The following KHDRBS2 variants were observed in gnomAD, a reference collection of about 807,000 sequenced individuals.
KHDRBS2 encodes KH domain-containing, RNA-binding, signal transduction-associated protein 2.
KHDRBS2 carries 26 observed loss-of-function variants against 44.3 expected under a neutral mutation model. The observed-to-expected ratio is 0.59, with a 90% CI of 0.43 to 0.81. The LOEUF (loss-of-function observed/expected upper bound fraction) is 0.81. Among genes scored for constraint, KHDRBS2 ranks in the 40% least tolerant of loss-of-function variants. The pLI is 0.00. For synonymous variants in KHDRBS2, 194 were observed against 151.1 expected, an observed-to-expected ratio of 1.28 and a Z score of -2.08; for missense variants, 476 against 433.1, an observed-to-expected ratio of 1.10 and a Z score of -0.88.
chr6:62,162,443 C>T (rs1187644800), intron 2 of KHDRBS2, among the ~76,000 whole-genome samples: 1 of 152,070 alleles, frequency 6.6e-6, no homozygotes, highest in Admixed American at 6.6e-5. Context: ...GAGAAATCTG[C>T]TGATAGTCCT....
chr6:61,631,149 C>T, the KHDRBS2 span, among the ~76,000 whole-genome samples: 2 of 151,954 alleles, frequency 1.3e-5, no homozygotes, highest in African/African-American at 4.8e-5. Flanking sequence ...ATCAGCAACA[C>T]GAGACTTATT....
At chr6:61,595,411 C>T in the KHDRBS2 span, among the ~76,000 whole-genome samples, 1 of 152,066 alleles carries the variant, frequency 6.6e-6, no homozygotes, top group Non-Finnish European at 1.5e-5. Flanking sequence ...TTTCTGTATC[C>T]ATTTCCCCAA....
At chr6:61,949,143 C>G (rs1355559758) in intron 4 of KHDRBS2, among the ~76,000 whole-genome samples, 2 of 152,094 alleles carry the variant, frequency 1.3e-5, no homozygotes, top group Non-Finnish European at 2.9e-5. Flanking sequence ...TCCTGTCCCA[C>G]TGAATAGTGG....
intron 1 of KHDRBS2, among the ~76,000 whole-genome samples, chr6:62,205,498 T>C (rs954182291): frequency 6.6e-6 from 1 of 152,018 alleles, no homozygotes; most frequent in Non-Finnish European, 1.5e-5. Context: ...CAAATAACAA[T>C]AAAGCATTCT....
At position 61,955,633 on chromosome 6, in the gene KHDRBS2, TATATACAC is replaced by T. The variant is rs1197654022; in HGVS notation, c.483+22425_483+22432del. On this transcript the variant is annotated intron_variant, in intron 4 of 8. Transcript: ENST00000281156. ...ACGTATGTATGTATGCATACATGTG[TATATACAC>T]GTATGTATGTATGCATATATGTGTA... 7.3e-4 allele frequency among the ~76,000 whole-genome samples: 73 copies of T among 99,830 alleles called. 1 individual carries two copies. Among genetic ancestry groups the T allele is most frequent in the African/African-American group, 2.9e-3 (69 of 24,096 alleles). The allele number at this position is 99,830 out of a possible 152,430, so 65.5% of individuals were successfully genotyped here. A position where few individuals can be genotyped will look rare whatever the true frequency, so the allele number is the denominator to read the frequency against.
the KHDRBS2 span, among the ~76,000 whole-genome samples, chr6:61,595,585 CTT>C: frequency 1.3e-5 from 2 of 151,914 alleles, no homozygotes; most frequent in South Asian, 2.1e-4. Context: ...TTTTAATACT[CTT>C]AATTACATAT....
chr6:62,129,185 G>T (rs1809673565), intron 2 of KHDRBS2, among the ~76,000 whole-genome samples: 1 of 152,052 alleles, frequency 6.6e-6, no homozygotes, highest in Non-Finnish European at 1.5e-5. Flanking sequence ...TGAAATGATG[G>T]CTTTAAATTT....
At chr6:61,612,503 G>C in the KHDRBS2 span, among the ~76,000 whole-genome samples, 1 of 152,116 alleles carries the variant, frequency 6.6e-6, no homozygotes, top group Non-Finnish European at 1.5e-5. Flanking sequence ...AATGGTTATA[G>C]TCATGTCTAC....
At chr6:62,175,114 A>G (rs1197827794) in intron 2 of KHDRBS2, among the ~76,000 whole-genome samples, 7 of 151,734 alleles carry the variant, frequency 4.6e-5, no homozygotes, top group Non-Finnish European at 7.4e-5. Context: ...TTATTGTTGT[A>G]CTATAAAAAC....
intron 6 of KHDRBS2, among the ~76,000 whole-genome samples, chr6:61,779,507 T>C (rs1394814980): frequency 6.6e-6 from 1 of 152,156 alleles, no homozygotes; most frequent in Non-Finnish European, 1.5e-5. Context: ...CTGTAGAATA[T>C]AGTGGCAAAT....
intron 4 of KHDRBS2, among the ~76,000 whole-genome samples, chr6:61,967,932 GTATATATA>G (rs369326330): frequency 6.0e-5 from 7 of 117,014 alleles, no homozygotes; most frequent in East Asian, 2.7e-4. Flanking sequence ...ATACACACAC[GTATATATA>G]TATATATATA....
At chr6:61,617,904 T>A in the KHDRBS2 span, among the ~76,000 whole-genome samples, 4 of 152,148 alleles carry the variant, frequency 2.6e-5, no homozygotes, top group African/African-American at 9.7e-5. Flanking sequence ...ACATAAAAAT[T>A]TTTTTAAAGC....
At chr6:61,609,147 C>A in the KHDRBS2 span, among the ~76,000 whole-genome samples, 1 of 152,158 alleles carries the variant, frequency 6.6e-6, no homozygotes, top group Admixed American at 6.5e-5. Context: ...CACTTGAGGT[C>A]AGGAGTTCGA....
intron 6 of KHDRBS2, among the ~76,000 whole-genome samples, chr6:61,772,444 GA>G: frequency 6.6e-6 from 1 of 151,954 alleles, no homozygotes; most frequent in East Asian, 1.9e-4. Flanking sequence ...AAGAAGAAAA[GA>G]ATAAAATAGA....
At chr6:61,564,922 T>C in the KHDRBS2 span, among the ~76,000 whole-genome samples, 6 of 152,120 alleles carry the variant, frequency 3.9e-5, no homozygotes, top group Non-Finnish European at 5.9e-5. Flanking sequence ...CAAAATAGTA[T>C]GGTGCTGGCA....
At chr6:61,674,666 C>T in the KHDRBS2 span, among the ~76,000 whole-genome samples, 1 of 151,640 alleles carries the variant, frequency 6.6e-6, no homozygotes, top group Non-Finnish European at 1.5e-5. Context: ...AACTACTATA[C>T]AATTCAGTAT....
chr6:61,720,746 G>C (rs1230650576), intron 7 of KHDRBS2, among the ~76,000 whole-genome samples: 2 of 151,812 alleles, frequency 1.3e-5, no homozygotes, highest in African/African-American at 2.4e-5. Flanking sequence ...CACTCTGATG[G>C]TAGTTTCTTT....
chr6:62,270,279 C>T (rs1368667533), intron 1 of KHDRBS2, among the ~76,000 whole-genome samples: 3 of 131,246 alleles, frequency 2.3e-5, no homozygotes, highest in African/African-American at 9.7e-5. Context: ...GGAACCCCAT[C>T]TCTCTCTCTC....
the KHDRBS2 span, among the ~76,000 whole-genome samples, chr6:61,601,531 G>T: frequency 1.3e-5 from 2 of 152,032 alleles, no homozygotes; most frequent in Non-Finnish European, 2.9e-5. Flanking sequence ...GATAATTCTT[G>T]TCATAAAATA....
Sources: allele counts gnomAD v4.1 joint callset (sites outside exome capture counted in the v4.1 genomes callset), GRCh38; gene constraint gnomAD v4.1.1; transcripts MANE v1.5; gene names NCBI Gene and HGNC (gene_info 2026-07-23, HGNC 2026-07-21).